Variants in FGF12 observed in about 807,000 individuals in gnomAD.
The protein encoded by FGF12 is fibroblast growth factor 12B.
In FGF12, 14 loss-of-function variants were observed where a neutral mutation model predicts 23.6. The ratio of observed to expected loss-of-function variants is 0.59; its 90% CI spans 0.39 to 0.93. FGF12 has a LOEUF of 0.93. FGF12 is among the 40% of genes least tolerant of loss of function. The pLI is 0.00. For missense variants in FGF12, 175 were observed against 217.8 expected (o/e 0.80, Z 1.24); for synonymous variants, 62 against 77.3 (o/e 0.80, Z 1.04).
chr3:192,568,369 T>C (rs1712440465), intron 2 of FGF12, among the ~76,000 whole-genome samples: 1 of 152,128 alleles, frequency 6.6e-6, no homozygotes, highest in African/African-American at 2.4e-5. Flanking sequence ...CATGTACACA[T>C]TATGGACTCC....
chr3:192,165,949 C>A (rs1715138972), intron 5 of FGF12, among the ~76,000 whole-genome samples: 1 of 152,114 alleles, frequency 6.6e-6, no homozygotes, highest in African/African-American at 2.4e-5. Flanking sequence ...GATAAAAATA[C>A]AGAACTATTG....
intron 2 of FGF12, among the ~76,000 whole-genome samples, chr3:192,666,019 T>C (rs1057047189): frequency 1.3e-5 from 2 of 152,142 alleles, no homozygotes; most frequent in Admixed American, 6.5e-5. Context: ...TTAGTACTTA[T>C]GCAGTTAAAA....
intron 4 of FGF12, among the ~76,000 whole-genome samples, chr3:192,272,335 G>A (rs926078985): frequency 2.6e-5 from 4 of 152,116 alleles, no homozygotes; most frequent in East Asian, 1.9e-4. Flanking sequence ...GAAAGGGGAC[G>A]GGGAGGTTAT....
At chr3:192,512,602 A>G (rs1173822975) in intron 2 of FGF12, among the ~76,000 whole-genome samples, 1 of 151,752 alleles carries the variant, frequency 6.6e-6, no homozygotes, top group African/African-American at 2.4e-5. Context: ...ACACTAGATC[A>G]TAAGTTTAAA....
chr3:192,205,646 T>C (rs1717609215), intron 4 of FGF12, among the ~76,000 whole-genome samples: 1 of 152,136 alleles, frequency 6.6e-6, no homozygotes, highest in Admixed American at 6.5e-5. Context: ...CTTAAGAAGT[T>C]CTTGTAAAAA....
intron 2 of FGF12, among the ~76,000 whole-genome samples, chr3:192,419,156 T>A (rs763905814): frequency 6.6e-6 from 1 of 152,160 alleles, no homozygotes; most frequent in South Asian, 2.1e-4. Flanking sequence ...TCTTCATGAC[T>A]TTTTTTAGGA....
At chr3:192,350,858 A>G (rs1718187739) in intron 3 of FGF12, among the ~76,000 whole-genome samples, 1 of 152,160 alleles carries the variant, frequency 6.6e-6, no homozygotes, top group African/African-American at 2.4e-5. Context: ...TTTATCTTTT[A>G]ACTGGGTCAC....
At chr3:192,307,254 A>G (rs560840220) in intron 4 of FGF12, among the ~76,000 whole-genome samples, 1 of 152,356 alleles carries the variant, frequency 6.6e-6, no homozygotes, top group East Asian at 1.9e-4. Flanking sequence ...CAACAGCTTT[A>G]GAACATTAAC....
chr3:192,546,567 T>A (rs1725499806), intron 2 of FGF12, among the ~76,000 whole-genome samples: 1 of 152,090 alleles, frequency 6.6e-6, no homozygotes, highest in African/African-American at 2.4e-5. Context: ...TAATTGTAGT[T>A]CCCTGGTTCA....
Position 192,409,241 on chromosome 3 carries a change from A to G in FGF12, c.14-48703T>C, listed in dbSNP as rs912000195. On this transcript the variant is annotated intron_variant, in intron 2 of 5. Transcript: ENST00000445105. This position sits in a 1 kb window ranked among gnomAD's most constrained non-coding sequence, Gnocchi z 4.8. Reference sequence around the variant, plus strand: ...TTGGTGATTATTTAGGGAATCCTAAATCTGGAATGACTCAGTAGTTTAAAT... The same window carrying G: ...TTGGTGATTATTTAGGGAATCCTAAGTCTGGAATGACTCAGTAGTTTAAAT... Among the ~76,000 whole-genome samples the G allele has an allele frequency of 1.3e-5, 2 of 152,164 alleles. No homozygotes were observed. The highest frequency in any genetic ancestry group is 2.4e-5 in the African/African-American group (1 of 41,452).
chr3:192,360,469 T>A lies in FGF12; in HGVS notation c.83A>T (p.Asp28Val), dbSNP rs544467705. 1.9e-6 allele frequency: 3 copies of A among 1,613,932 alleles called. No individual in the cohort carries two copies. In the South Asian group the frequency reaches 3.3e-5, roughly 18 times the overall value. Residue 28 changes from aspartate (D) to valine (V), a missense_variant, in exon 3 of 6, where the codon GAT becomes GTT. Transcript: ENST00000445105. The surrounding 1 kb of genome is among the most constrained non-coding windows in gnomAD (Gnocchi z 4.3). Reference sequence around the variant, plus strand: ...GTCCTTGGTCCCATCAATGGTACCATCTGGGTGCATCTGCAGGAAGTATCC... The same window carrying A: ...GTCCTTGGTCCCATCAATGGTACCAACTGGGTGCATCTGCAGGAAGTATCC... ...QQGYFLQMHP[D>V]GTIDGTKDEN...
intron 4 of FGF12, among the ~76,000 whole-genome samples, chr3:192,170,908 C>G (rs1461819937): frequency 1.3e-5 from 2 of 152,166 alleles, no homozygotes; most frequent in Non-Finnish European, 2.9e-5. Context: ...TAAAATCATT[C>G]AGGACTGTGG....
chr3:192,512,908 T>A (rs1724533233), intron 2 of FGF12, among the ~76,000 whole-genome samples: 3 of 138,346 alleles, frequency 2.2e-5, no homozygotes, highest in South Asian at 4.7e-4. Context: ...AAATAATGAG[T>A]TTCAAAGATG....
intron 2 of FGF12, among the ~76,000 whole-genome samples, chr3:192,656,699 C>G (rs1452270006): frequency 6.6e-6 from 1 of 152,190 alleles, no homozygotes; most frequent in Admixed American, 6.5e-5. Flanking sequence ...ATGGCATACT[C>G]TCTCCAATGT....
chr3:192,471,002 T>TA (rs1330418880), intron 2 of FGF12, among the ~76,000 whole-genome samples: 1 of 152,160 alleles, frequency 6.6e-6, no homozygotes, highest in East Asian at 1.9e-4. Flanking sequence ...CACCCTTTAT[T>TA]ATCCCCAGTG....
At chr3:192,479,220 A>C (rs143155875) in intron 2 of FGF12, among the ~76,000 whole-genome samples, 15 of 152,286 alleles carry the variant, frequency 9.8e-5, no homozygotes, top group African/African-American at 3.4e-4. Context: ...CCAAGGCCAC[A>C]GGAGACTATA....
At chr3:192,340,630 CT>C (rs1173188822) in intron 3 of FGF12, among the ~76,000 whole-genome samples, 1 of 151,964 alleles carries the variant, frequency 6.6e-6, no homozygotes, top group African/African-American at 2.4e-5. Flanking sequence ...AATAATGGAG[CT>C]GGTACTCTTG....
chr3:192,597,680 C>T (rs971569338), intron 2 of FGF12, among the ~76,000 whole-genome samples: 8 of 152,064 alleles, frequency 5.3e-5, no homozygotes, highest in Non-Finnish European at 1.0e-4. Context: ...GTCGGAGAAA[C>T]TGGCCACTCT....
rs183311929 is a variant in FGF12, at chr3:192,202,571, G to A, written c.229-31915C>T. ...AGCTTTTATTTTTGTTTTTGACAAC[G>A]GTTTCTTTAATTGTAAGGGAAAATC... On this transcript the variant is annotated intron_variant, in intron 4 of 5. Transcript: ENST00000445105. 6.8e-4 allele frequency among the ~76,000 whole-genome samples: 104 copies of A among 152,214 alleles called. 1 individual carries two copies. The highest frequency in any genetic ancestry group is 1.6e-3 in the Admixed American group (24 of 15,294).
Sources: allele counts gnomAD v4.1 joint callset (sites outside exome capture counted in the v4.1 genomes callset), GRCh38; gene constraint gnomAD v4.1.1; non-coding constraint Gnocchi (gnomAD v3.1); transcripts MANE v1.5; gene names NCBI Gene and HGNC (gene_info 2026-07-23, HGNC 2026-07-21).